The following THBS4 variants were observed in gnomAD, a reference collection of about 807,000 sequenced individuals.
The protein encoded by THBS4 is thrombospondin 4.
A neutral mutation model predicts 115.7 loss-of-function variants in THBS4; 90 were observed. The ratio of observed to expected loss-of-function variants is 0.78; its 90% CI spans 0.66 to 0.93. The LOEUF is 0.93. Ranked by LOEUF, THBS4 falls within the 40% of genes least tolerant of loss-of-function variation. The pLI is 0.00. For missense variants in THBS4, 1,087 were observed against 1,232.7 expected (o/e 0.88, Z 1.77); for synonymous variants, 460 against 479.3 (o/e 0.96, Z 0.53).
intron 5 of THBS4, 23 bp downstream of exon 5, chr5:80,058,813 A>G (rs559154966): frequency 6.2e-7 from 1 of 1,607,908 alleles, no homozygotes; most frequent in Admixed American, 1.7e-5. Context: ...ACATATCATC[A>G]GAAAAGCCCT....
chr5:80,074,770 T>C (rs1361480830), intron 15 of THBS4, among the ~76,000 whole-genome samples: 3 of 151,988 alleles, frequency 2.0e-5, no homozygotes, highest in Non-Finnish European at 4.4e-5. Flanking sequence ...TGTGCCACCA[T>C]GCTGGCTAAT....
chr5:80,055,867 C>G lies in THBS4; in HGVS notation c.375C>G (p.His125Gln), dbSNP rs1410314766. The G allele has an allele frequency of 2.2e-5, 35 of 1,614,066 alleles. No individual in the cohort carries two copies. Among genetic ancestry groups the G allele is most frequent in the Non-Finnish European group, 3.0e-5 (35 of 1,180,020 alleles). ...TGCAGCTGGCAGACGGAAGGCGGCA[C>G]AGGATCCTCCTGAGGCTGAGCAATT... is the stretch of plus-strand genomic sequence containing the variant. ...NNLQLADGRRHRILLRLSNLQ... is the reference protein window; with the variant it reads ...NNLQLADGRRQRILLRLSNLQ... Residue 125 changes from histidine to glutamine, a missense_variant, in exon 3 of 22, where the codon CAC becomes CAG. His to Gln is a conservative substitution (Grantham distance 24, BLOSUM62 0). Coordinates refer to ENST00000350881, the MANE Select transcript of THBS4 (RefSeq NM_003248.6).
chr5:80,029,390 T>A (rs547579020), intron 2 of THBS4, among the ~76,000 whole-genome samples: 3 of 152,192 alleles, frequency 2.0e-5, no homozygotes, highest in Non-Finnish European at 2.9e-5. Flanking sequence ...AGATCCTAGT[T>A]GTTATAAACT....
chr5:80,013,161 A>G (rs1832162028), intron 2 of THBS4, among the ~76,000 whole-genome samples: 1 of 152,086 alleles, frequency 6.6e-6, no homozygotes, highest in Non-Finnish European at 1.5e-5. Context: ...GTTTTTTGAC[A>G]CAGAGTCTCG....
chr5:80,072,657 G>A (rs1834111605), intron 14 of THBS4: 2 of 442,496 alleles, frequency 4.5e-6, no homozygotes, highest in Admixed American at 6.8e-5. Context: ...CTCAATACAA[G>A]TATTTTTCCT....
At position 80,067,984 on chromosome 5, in the gene THBS4, C is replaced by T; in HGVS notation, c.1206C>T (p.Arg402=). 1.2e-6 allele frequency: 2 copies of T among 1,614,162 alleles called. No individual in the cohort carries two copies. The highest frequency in any genetic ancestry group is 4.5e-5 in the East Asian group (2 of 44,886). ...TTTGTTCCTTGCAGGGATCTTACCG[C>T]TGTGGGCCTTGTAAGCCGGGGTATA... ...SICVNTLGSY[R]CGPCKPGYTG... Residue 402 remains arginine (R), a synonymous_variant, in exon 10 of 22, where the codon CGC becomes CGT. Transcript: ENST00000350881.
At chr5:80,015,865 G>A (rs1275933562) in intron 2 of THBS4, among the ~76,000 whole-genome samples, 4 of 152,354 alleles carry the variant, frequency 2.6e-5, no homozygotes, top group East Asian at 1.9e-4. Context: ...TATCTTTTAC[G>A]AGGTGAGCAT....
At chr5:80,071,407 G>T (rs968569481) in intron 13 of THBS4, among the ~76,000 whole-genome samples, 18 of 152,032 alleles carry the variant, frequency 1.2e-4, no homozygotes, top group African/African-American at 4.4e-4. Flanking sequence ...CTGTATCATT[G>T]CCAGAAACTT....
At chr5:80,058,814 G>A (rs1215027039) in intron 5 of THBS4, 24 bp downstream of exon 5, 3 of 1,607,226 alleles carry the variant, frequency 1.9e-6, no homozygotes, top group Non-Finnish European at 2.6e-6. Flanking sequence ...CATATCATCA[G>A]AAAAGCCCTC....
chr5:80,026,848 T>A (rs1440403779), intron 2 of THBS4, among the ~76,000 whole-genome samples: 2 of 152,230 alleles, frequency 1.3e-5, no homozygotes, highest in Admixed American at 6.5e-5. Context: ...ATTTTCTCTC[T>A]TTCTGCCCAT....
chr5:80,004,505 A>C (rs1831977141), intron 2 of THBS4, among the ~76,000 whole-genome samples: 1 of 152,172 alleles, frequency 6.6e-6, no homozygotes, highest in Non-Finnish European at 1.5e-5. Context: ...GTCTCCTGCC[A>C]CTGTGGCCTA....
At chr5:80,062,768 A>C (rs1232078200) in intron 8 of THBS4, among the ~76,000 whole-genome samples, 1 of 152,050 alleles carries the variant, frequency 6.6e-6, no homozygotes, top group Admixed American at 6.5e-5. Flanking sequence ...CCCAACTAAG[A>C]GTGAGAACAT....
intron 8 of THBS4, 85 bp from the exon 9 acceptor site, chr5:80,065,324 A>AAGAT: frequency 7.8e-7 from 1 of 1,280,642 alleles, no homozygotes; most frequent in Non-Finnish European, 1.1e-6. Flanking sequence ...ACTTCACACA[A>AAGAT]AGATAGCAAA....
rs192050888 is a variant in THBS4 at position 80,037,050 on chromosome 5, C to A, written c.88+1425C>A. On this transcript the variant is annotated intron_variant, in intron 1 of 21. Coordinates refer to ENST00000350881, the MANE Select transcript of THBS4 (RefSeq NM_003248.6). ...ATGCTGTAGTCCGTGCCCCATACTT[C>A]TAGGAAGGTAAAAAAGGAAGCTTTT... Among the ~76,000 whole-genome samples the A allele has an allele frequency of 2.6e-3, 390 of 152,246 alleles. 4 individuals are homozygous for A. The highest frequency in any genetic ancestry group is 5.4e-3 in the South Asian group (26 of 4,826).
At chr5:80,048,333 C>T (rs1331071293) in intron 2 of THBS4, among the ~76,000 whole-genome samples, 1 of 152,098 alleles carries the variant, frequency 6.6e-6, no homozygotes, top group East Asian at 1.9e-4. Flanking sequence ...TTCCTTGTTA[C>T]TGGAAATGTG....
intron 2 of THBS4, among the ~76,000 whole-genome samples, chr5:80,026,460 A>C (rs1229443596): frequency 6.6e-6 from 1 of 152,230 alleles, no homozygotes; most frequent in African/African-American, 2.4e-5. Flanking sequence ...GATTGCCAGA[A>C]AAGGCATGAT....
chr5:80,061,868 C>A lies in THBS4; in HGVS notation c.1125+36C>A, dbSNP rs749341771. The A allele has an allele frequency of 1.5e-4, 229 of 1,569,790 alleles. 1 individual carries two copies. The highest frequency in any genetic ancestry group is 1.9e-4 in the Non-Finnish European group (223 of 1,153,982). On this transcript the variant is annotated intron_variant, in intron 8 of 21. Transcript: ENST00000350881. The stretch of plus-strand genomic sequence containing the variant: ...GTCATGGTTTCTATTCATTTCTCAT[C>A]TTAACAAAACAACTGTGGTTGGTTC...
At chr5:80,035,055 C>A (rs911054927), upstream of THBS4, among the ~76,000 whole-genome samples, 3 of 152,226 alleles carry the variant, frequency 2.0e-5, no homozygotes, top group African/African-American at 4.8e-5. This position sits in a 1 kb window ranked among gnomAD's most constrained non-coding sequence, Gnocchi z 4.6. Context: ...CCTTTCCTCC[C>A]GCTCCTTTCT....
chr5:80,023,923 G>A (rs997445629), intron 2 of THBS4, among the ~76,000 whole-genome samples: 7 of 152,160 alleles, frequency 4.6e-5, no homozygotes, highest in African/African-American at 1.7e-4. Flanking sequence ...TTGTGGAAGG[G>A]CATTAATCTA....
Sources: gnomAD v4.1 joint callset for allele counts (sites outside exome capture counted in the v4.1 genomes callset) on GRCh38, gnomAD v4.1.1 for gene constraint, Gnocchi (gnomAD v3.1) non-coding constraint, MANE v1.5 for transcripts, NCBI Gene and HGNC (gene_info 2026-07-23, HGNC 2026-07-21) for gene names.